The following ZNF423 variants were observed in gnomAD, a reference collection of about 807,000 sequenced individuals.
ZNF423 encodes zinc finger protein 423.
A neutral mutation model predicts 95.8 loss-of-function variants in ZNF423; 12 were observed. The ratio of observed to expected loss-of-function variants is 0.13; its 90% CI spans 0.08 to 0.20. The LOEUF is 0.20. ZNF423 is among the 10% of genes least tolerant of loss of function. The pLI is 1.00. For missense variants in ZNF423, 1,316 were observed against 1,737.1 expected, an observed-to-expected ratio of 0.76 and a Z score of 4.31; for synonymous variants, 749 against 711.9, an observed-to-expected ratio of 1.05 and a Z score of -0.83.
At chr16:49,612,166 G>A (rs562746169) in intron 5 of ZNF423, among the ~76,000 whole-genome samples, 8 of 151,994 alleles carry the variant, frequency 5.3e-5, no homozygotes, top group South Asian at 2.1e-4. Context: ...ATTAAAACCC[G>A]GTCAAAGACA....
chr16:49,532,852 C>T (rs779676333), intron 5 of ZNF423, among the ~76,000 whole-genome samples: 8 of 152,214 alleles, frequency 5.3e-5, no homozygotes, highest in South Asian at 2.1e-4. Context: ...TACCCACCAA[C>T]GTCCCCCTTC....
At chr16:49,813,879 G>A (rs889670183) in intron 1 of ZNF423, among the ~76,000 whole-genome samples, 1 of 152,222 alleles carries the variant, frequency 6.6e-6, no homozygotes, top group African/African-American at 2.4e-5. Flanking sequence ...CTTTGGACAG[G>A]GGCCAGGGGT....
At chr16:49,852,110 C>T (rs1162514411) in intron 1 of ZNF423, among the ~76,000 whole-genome samples, 1 of 152,022 alleles carries the variant, frequency 6.6e-6, no homozygotes, top group Non-Finnish European at 1.5e-5. Context: ...CATGGAAACA[C>T]GCGCAGTGTT....
intron 3 of ZNF423, among the ~76,000 whole-genome samples, chr16:49,660,726 C>T (rs928200906): frequency 1.3e-5 from 2 of 151,646 alleles, no homozygotes; most frequent in Non-Finnish European, 2.9e-5. Flanking sequence ...GTGTGGGGGT[C>T]AGGAAGCACG....
chr16:49,602,812 G>C (rs1971419957), intron 5 of ZNF423, among the ~76,000 whole-genome samples: 1 of 152,172 alleles, frequency 6.6e-6, no homozygotes, highest in African/African-American at 2.4e-5. Flanking sequence ...GAGCACAAGA[G>C]ACAAGTGGGA....
At chr16:49,528,772 CCGGGGAGGTGGAGAGGG>C (rs1478012168) in intron 5 of ZNF423, among the ~76,000 whole-genome samples, 1 of 151,706 alleles carries the variant, frequency 6.6e-6, no homozygotes, top group Non-Finnish European at 1.5e-5. Context: ...AGGGGGAGGG[CCGGGGAGGTGGAGAGGG>C]CGGGGAGGGG....
chr16:49,802,234 T>C (rs183830392), intron 1 of ZNF423, among the ~76,000 whole-genome samples: 49 of 152,192 alleles, frequency 3.2e-4, no homozygotes, highest in African/African-American at 9.9e-4. Context: ...TCAGTCAACA[T>C]AGGACTGGAC....
intron 5 of ZNF423, among the ~76,000 whole-genome samples, chr16:49,531,324 C>T (rs1968837427): frequency 6.6e-6 from 1 of 151,684 alleles, no homozygotes; most frequent in Admixed American, 6.6e-5. Context: ...GGGGCTCAGA[C>T]ACACACACTG....
At chr16:49,528,169 C>T (rs190062586) in intron 5 of ZNF423, among the ~76,000 whole-genome samples, 4 of 152,204 alleles carry the variant, frequency 2.6e-5, no homozygotes, top group Admixed American at 1.3e-4. Context: ...TGAATGGCGA[C>T]GGGCCCATCT....
chr16:49,621,038 C>G lies in ZNF423; in HGVS notation c.3601+5132G>C, dbSNP rs1012816798. Among the ~76,000 whole-genome samples the G allele has an allele frequency of 5.3e-5, 8 of 152,348 alleles. No homozygotes were observed. The East Asian group carries it at 1.4e-3, about 26-fold the overall frequency. ...CCCTCTCTCTCCTTCAGCAGCCCCC[C>G]CGGGGAGCCCAAGGCAGGGGCCTCC... On this transcript the variant is annotated intron_variant, in intron 5 of 7. Coordinates refer to ENST00000563137, the MANE Select transcript of ZNF423 (RefSeq NM_001379286.1).
chr16:49,512,314 C>A (rs1334574828), intron 7 of ZNF423, among the ~76,000 whole-genome samples: 1 of 152,218 alleles, frequency 6.6e-6, no homozygotes, highest in Non-Finnish European at 1.5e-5. Flanking sequence ...ACAGGCAGGG[C>A]AATGACTAGG....
At chr16:49,758,418 G>A (rs1304795633) in intron 2 of ZNF423, among the ~76,000 whole-genome samples, 2 of 152,052 alleles carry the variant, frequency 1.3e-5, no homozygotes, top group Non-Finnish European at 2.9e-5. Flanking sequence ...GGATTACAGG[G>A]GTGAGCCACT....
chr16:49,570,036 C>G (rs1325851561), intron 5 of ZNF423, among the ~76,000 whole-genome samples: 1 of 152,188 alleles, frequency 6.6e-6, no homozygotes, highest in African/African-American at 2.4e-5. Flanking sequence ...ACCTATGGAG[C>G]CTGCCTGCTC....
chr16:49,795,619 G>A lies in ZNF423; in HGVS notation c.41-6073C>T, dbSNP rs549531305. 5.9e-5 allele frequency among the ~76,000 whole-genome samples: 9 copies of A among 152,196 alleles called. No individual in the cohort carries two copies. In the South Asian group the frequency reaches 6.2e-4, roughly 10 times the overall value. On this transcript the variant is annotated intron_variant, in intron 1 of 7. Coordinates refer to ENST00000563137, the MANE Select transcript of ZNF423 (RefSeq NM_001379286.1). ...CCCAAGGGCACCACAGTAGCCCTGC[G>A]AGGAGCTCCTGCTAAAACACTTCAC...
chr16:49,506,787 T>A lies in ZNF423; in HGVS notation c.3850-15483A>T, dbSNP rs138775498. Among the ~76,000 whole-genome samples, 847 of 151,260 alleles carry A rather than the reference T, an allele frequency of 5.6e-3. 11 individuals are homozygous for A. Among genetic ancestry groups the A allele is most frequent in the African/African-American group, 0.019 (784 of 41,148 alleles). On this transcript the variant is annotated intron_variant, in intron 7 of 7. Coordinates refer to ENST00000563137, the MANE Select transcript of ZNF423 (RefSeq NM_001379286.1). ...GGTGATAGATTGATAGACAGATGGA[T>A]TGATGGATGAGTGGATGGGTGGCTG...
In ZNF423 at chr16:49,790,664, C is replaced by A. The variant is rs555072055; in HGVS notation, c.41-1118G>T. Among the ~76,000 whole-genome samples, 13 of 152,360 alleles carry A rather than the reference C, an allele frequency of 8.5e-5. No individual in the cohort carries two copies. In the East Asian group the frequency reaches 2.3e-3, roughly 27 times the overall value. ...CTTGCGAGTGGAGCAAGCAGGCTGGCTTGTGGTCAGAACCTGAGTTCTAGC... is the reference window on the plus strand; with the variant it reads ...CTTGCGAGTGGAGCAAGCAGGCTGGATTGTGGTCAGAACCTGAGTTCTAGC... On this transcript the variant is annotated intron_variant, in intron 1 of 7. Coordinates refer to ENST00000563137, the MANE Select transcript of ZNF423 (RefSeq NM_001379286.1).
chr16:49,770,613 C>T (rs903744905), intron 2 of ZNF423, among the ~76,000 whole-genome samples: 2 of 151,836 alleles, frequency 1.3e-5, no homozygotes, highest in Middle Eastern at 3.2e-3. Flanking sequence ...TTGTGGAAGG[C>T]AGGGACAGCG....
intron 1 of ZNF423, 86 bp from the exon 2 acceptor site, chr16:49,789,632 T>C: frequency 1.5e-6 from 2 of 1,322,812 alleles, no homozygotes; most frequent in Non-Finnish European, 2.1e-6. Context: ...AGAAGGAACA[T>C]TTGTGGGGGT....
intron 2 of ZNF423, among the ~76,000 whole-genome samples, chr16:49,774,568 G>A (rs2034089195): frequency 6.6e-6 from 1 of 152,210 alleles, no homozygotes; most frequent in African/African-American, 2.4e-5. Context: ...TACGCATTCT[G>A]AGCCTCAGTT....
Sources: allele counts gnomAD v4.1 joint callset (sites outside exome capture counted in the v4.1 genomes callset), GRCh38; gene constraint gnomAD v4.1.1; transcripts MANE v1.5; gene names NCBI Gene and HGNC (gene_info 2026-07-23, HGNC 2026-07-21).